Variants in NKAIN3 observed in about 807,000 individuals in gnomAD.
NKAIN3 encodes sodium/potassium-transporting ATPase subunit beta-1-interacting protein 3.
NKAIN3 carries 25 observed loss-of-function variants against 30.2 expected under a neutral mutation model. The ratio of observed to expected loss-of-function variants is 0.83; its 90% CI spans 0.60 to 1.16. NKAIN3 has a LOEUF of 1.16. Ranked by LOEUF, NKAIN3 falls within the 50% of genes most tolerant of loss-of-function variation. The pLI is 0.00. For synonymous variants in NKAIN3, 91 were observed against 89.6 expected (o/e 1.02, Z -0.09); for missense variants, 225 against 254.1 (o/e 0.89, Z 0.78).
At chr8:62,510,968 C>T (rs1249491927) in intron 1 of NKAIN3, among the ~76,000 whole-genome samples, 1 of 152,066 alleles carries the variant, frequency 6.6e-6, no homozygotes, top group Non-Finnish European at 1.5e-5. Flanking sequence ...TGGCAGTGCT[C>T]CCAGGTTTCT....
chr8:62,534,842 A>G (rs1585917399), intron 1 of NKAIN3, among the ~76,000 whole-genome samples: 1 of 148,566 alleles, frequency 6.7e-6, no homozygotes, highest in East Asian at 2.0e-4. Context: ...GTAAAAATGT[A>G]AAAACATTGC....
chr8:62,691,399 G>A (rs1394663437), intron 3 of NKAIN3, among the ~76,000 whole-genome samples: 1 of 152,066 alleles, frequency 6.6e-6, no homozygotes, highest in African/African-American at 2.4e-5. Flanking sequence ...AGCGGGGGAT[G>A]TTGAGGCTGA....
chr8:62,589,666 T>C, intron 2 of NKAIN3, 48 bp from the exon 3 acceptor site: 2 of 815,056 alleles, frequency 2.5e-6, no homozygotes, highest in Non-Finnish European at 4.1e-6. Context: ...TACATGCCTT[T>C]CATCTCCATA....
intron 1 of NKAIN3, among the ~76,000 whole-genome samples, chr8:62,320,898 A>G (rs144593664): frequency 0.019 from 2,852 of 152,270 alleles, 91 homozygotes; most frequent in African/African-American, 0.064. Context: ...AGATTGGGGA[A>G]GTTCTCCTGG....
At chr8:62,270,139 G>A (rs1812735979) in intron 1 of NKAIN3, among the ~76,000 whole-genome samples, 1 of 152,046 alleles carries the variant, frequency 6.6e-6, no homozygotes, top group African/African-American at 2.4e-5. Context: ...GAGTGCAGTG[G>A]TATGATCACA....
intron 1 of NKAIN3, among the ~76,000 whole-genome samples, chr8:62,328,150 A>G (rs2129589848): frequency 6.6e-6 from 1 of 152,222 alleles, no homozygotes; most frequent in South Asian, 2.1e-4. Context: ...ACTTCATTAG[A>G]ACAGTTAAAT....
At chr8:62,826,369 T>C (rs1225769408) in intron 4 of NKAIN3, among the ~76,000 whole-genome samples, 1 of 152,208 alleles carries the variant, frequency 6.6e-6, no homozygotes, top group Non-Finnish European at 1.5e-5. Flanking sequence ...CTTATGCATT[T>C]ATTATGATGG....
At chr8:62,915,762 G>A (rs1057264739) in intron 4 of NKAIN3, among the ~76,000 whole-genome samples, 1 of 151,946 alleles carries the variant, frequency 6.6e-6, no homozygotes, top group Non-Finnish European at 1.5e-5. Context: ...ATGTCCCGAC[G>A]TTATGAAACC....
chr8:62,257,377 A>G (rs1302139022), intron 1 of NKAIN3, among the ~76,000 whole-genome samples: 1 of 152,164 alleles, frequency 6.6e-6, no homozygotes, highest in Non-Finnish European at 1.5e-5. Flanking sequence ...TGTTTTATTA[A>G]CTAATACTTC....
At chr8:62,870,920 G>C (rs879584486) in intron 4 of NKAIN3, among the ~76,000 whole-genome samples, 4 of 151,660 alleles carry the variant, frequency 2.6e-5, no homozygotes, top group Admixed American at 6.6e-5. Flanking sequence ...AAAGTAGTTC[G>C]AGGGAAAAGT....
chr8:62,343,388 T>C (rs1176269779), intron 1 of NKAIN3, among the ~76,000 whole-genome samples: 2 of 152,142 alleles, frequency 1.3e-5, no homozygotes, highest in African/African-American at 4.8e-5. Context: ...GTATCCTATC[T>C]ACTCAGGTGA....
intron 6 of NKAIN3, among the ~76,000 whole-genome samples, chr8:62,956,582 G>A (rs1823424948): frequency 6.6e-6 from 1 of 152,154 alleles, no homozygotes; most frequent in African/African-American, 2.4e-5. Flanking sequence ...GGGGAAGTGG[G>A]GTTGGGATAG....
At chr8:62,527,121 A>G (rs187559080) in intron 1 of NKAIN3, among the ~76,000 whole-genome samples, 1 of 152,326 alleles carries the variant, frequency 6.6e-6, no homozygotes, top group African/African-American at 2.4e-5. Context: ...AGAGGAGCTC[A>G]TGACAGACTG....
chr8:62,430,362 TTGTGGTGTG>T (rs1386807198), intron 1 of NKAIN3, among the ~76,000 whole-genome samples: 1 of 120,808 alleles, frequency 8.3e-6, no homozygotes, highest in African/African-American at 3.2e-5. Context: ...TACATATATA[TTGTGGTGTG>T]TGTGTGTGTG....
At chr8:62,751,211 A>G (rs1198206175) in intron 4 of NKAIN3, among the ~76,000 whole-genome samples, 2 of 152,084 alleles carry the variant, frequency 1.3e-5, no homozygotes, top group Non-Finnish European at 2.9e-5. Flanking sequence ...TTCTCCCCCA[A>G]GTCCCTTCTC....
chr8:62,870,685 ATCTCTC>A (rs1204933071), intron 4 of NKAIN3, among the ~76,000 whole-genome samples: 140 of 130,998 alleles, frequency 1.1e-3, no homozygotes, highest in African/African-American at 2.9e-3. Context: ...ATATATCTAT[ATCTCTC>A]TATCTATATA....
chr8:62,900,324 A>G (rs1821572101), intron 4 of NKAIN3, among the ~76,000 whole-genome samples: 1 of 152,210 alleles, frequency 6.6e-6, no homozygotes, highest in African/African-American at 2.4e-5. Flanking sequence ...GTGGAGGTGG[A>G]TAGCACTTAA....
intron 3 of NKAIN3, among the ~76,000 whole-genome samples, chr8:62,633,842 A>G (rs1462250653): frequency 6.6e-6 from 1 of 152,128 alleles, no homozygotes; most frequent in Admixed American, 6.6e-5. Flanking sequence ...AGCCATTCCT[A>G]CAAGAGGTGC....
intron 1 of NKAIN3, among the ~76,000 whole-genome samples, chr8:62,264,150 A>G (rs956370544): frequency 6.6e-6 from 1 of 152,206 alleles, no homozygotes; most frequent in African/African-American, 2.4e-5. Flanking sequence ...ATAGTTCAGA[A>G]GGAAAAATGA....
Sources: gnomAD v4.1 joint callset for allele counts (sites outside exome capture counted in the v4.1 genomes callset) on GRCh38, gnomAD v4.1.1 for gene constraint, MANE v1.5 for transcripts, NCBI Gene and HGNC (gene_info 2026-07-23, HGNC 2026-07-21) for gene names.